Variants in TIA1 observed in about 807,000 individuals in gnomAD.
The protein encoded by TIA1 is TIA1 cytotoxic granule associated RNA binding protein.
TIA1 carries 23 observed loss-of-function variants against 65.9 expected under a neutral mutation model. That is an observed-to-expected ratio of 0.35 (90% CI 0.25 to 0.49). TIA1 has a LOEUF of 0.49. Ranked by LOEUF, TIA1 falls within the 20% of genes least tolerant of loss-of-function variation. The probability of loss-of-function intolerance (pLI) is 0.98; values close to 1 mark genes in which losing one functional copy is unlikely to be tolerated. For missense variants in TIA1, 371 were observed against 477.9 expected (o/e 0.78, Z 2.09); for synonymous variants, 147 against 149.4 (o/e 0.98, Z 0.12).
chr2:70,216,504 TGA>T lies in TIA1; in HGVS notation c.584-7_584-6del. The T allele has an allele frequency of 6.2e-7, 1 of 1,611,262 alleles. No homozygotes were observed. Among genetic ancestry groups the T allele is most frequent in the Non-Finnish European group, 8.5e-7 (1 of 1,178,492 alleles). On this transcript the variant is annotated splice_region_variant and splice_polypyrimidine_tract_variant and intron_variant, in intron 8 of 12. Coordinates refer to ENST00000433529, the MANE Select transcript of TIA1 (RefSeq NM_022173.4). Reference sequence around the variant, plus strand: ...ATGATAGCTGTTTGGTATTTGCTGGTGAGAGAAAAGGTTTATGTCTTTAATTC... The same window carrying T: ...ATGATAGCTGTTTGGTATTTGCTGGTGAGAAAAGGTTTATGTCTTTAATTC...
At chr2:70,239,791 A>C (rs1690873312) in intron 1 of TIA1, among the ~76,000 whole-genome samples, 1 of 152,248 alleles carries the variant, frequency 6.6e-6, no homozygotes, top group Non-Finnish European at 1.5e-5. Flanking sequence ...ACATTTACCC[A>C]ACAGCAATTT....
At chr2:70,222,131 A>G (rs1381061694) in intron 7 of TIA1, among the ~76,000 whole-genome samples, 1 of 144,506 alleles carries the variant, frequency 6.9e-6, no homozygotes, top group African/African-American at 2.5e-5. Context: ...AAACAAAAAC[A>G]AAACAAAACA....
At position 70,212,273 on chromosome 2, in the gene TIA1, A is replaced by C. The variant is rs1676669432; in HGVS notation, c.*446T>G. The C allele has an allele frequency of 6.5e-6, 1 of 154,998 alleles. No homozygotes were observed. The highest frequency in any genetic ancestry group is 2.4e-5 in the African/African-American group (1 of 41,478). The allele number at this position is 154,998 out of a possible 1,614,324, so 9.6% of individuals were successfully genotyped here. A position where few individuals can be genotyped will look rare whatever the true frequency, so the allele number is the denominator to read the frequency against. On this transcript the variant is annotated 3_prime_UTR_variant, in exon 13 of 13. Transcript: ENST00000433529. Reference sequence around the variant, plus strand: ...TTTAACCTAAAACAGAATTGTGCACAAGCTGAAGATGACAAACAACTTCTA... The same window carrying C: ...TTTAACCTAAAACAGAATTGTGCACCAGCTGAAGATGACAAACAACTTCTA...
At chr2:70,233,964 GAATAATAAAAATCT>G (rs1215665770) in intron 2 of TIA1, among the ~76,000 whole-genome samples, 2 of 152,082 alleles carry the variant, frequency 1.3e-5, no homozygotes. Flanking sequence ...ATTTAGATTT[GAATAATAAAAATCT>G]AAGCTTTTGA....
Position 70,212,720 on chromosome 2 carries a change from C to A in TIA1, c.1160G>T (p.Ter387LeuextTer17). 4 of 1,596,678 alleles carry A rather than the reference C, an allele frequency of 2.5e-6. No homozygotes were observed. The highest frequency in any genetic ancestry group is 3.4e-6 in the Non-Finnish European group (4 of 1,164,316). The change falls in exon 13 of 13, where the codon TGA (stop) becomes TTA (leucine). Residue 387 changes from the stop codon to leucine (L), a stop_lost. Transcript: ENST00000433529. Reference sequence around the variant, plus strand: ...GGCTTTAGATTCTGGAGTCCTTATTCACTGGGTTTCATACCCTGCCACTCG... The same window carrying A: ...GGCTTTAGATTCTGGAGTCCTTATTAACTGGGTTTCATACCCTGCCACTCG... ...GYRVAGYETQ[*>L]
intron 12 of TIA1, among the ~76,000 whole-genome samples, chr2:70,213,616 T>C (rs924758996): frequency 6.6e-6 from 1 of 151,790 alleles, no homozygotes; most frequent in African/African-American, 2.4e-5. Context: ...TCCAAAGTGC[T>C]AGGATTATAG....
intron 8 of TIA1, 144 bp from the exon 9 acceptor site, chr2:70,216,643 T>C: frequency 7.5e-7 from 1 of 1,340,560 alleles, no homozygotes; most frequent in East Asian, 2.5e-5. Flanking sequence ...CAGTTCAGAA[T>C]TAAACCTCCC....
intron 7 of TIA1, among the ~76,000 whole-genome samples, chr2:70,219,605 G>C (rs1294475743): frequency 6.6e-6 from 1 of 152,112 alleles, no homozygotes; most frequent in South Asian, 2.1e-4. Flanking sequence ...CTAGTAGCTA[G>C]GACTATAAGC....
chr2:70,238,733 C>T (rs1039287887), intron 1 of TIA1, among the ~76,000 whole-genome samples: 61 of 151,846 alleles, frequency 4.0e-4, no homozygotes, highest in African/African-American at 1.4e-3. Flanking sequence ...CATTACAAGA[C>T]CATAAGACTG....
chr2:70,216,876 A>G lies in TIA1; in HGVS notation c.583+10T>C. 7 of 1,613,996 alleles carry G rather than the reference A, an allele frequency of 4.3e-6. No homozygotes were observed. Among genetic ancestry groups the G allele is most frequent in the Non-Finnish European group, 5.9e-6 (7 of 1,179,966 alleles). ...ATTCCACATTTCCTTTTCTTCTCCA[A>G]TACACCTACACTCATATGTACTCTT... On this transcript the variant is annotated intron_variant, in intron 8 of 12. Transcript: ENST00000433529.
chr2:70,232,118 C>T (rs1320136221), intron 2 of TIA1, among the ~76,000 whole-genome samples: 2 of 146,012 alleles, frequency 1.4e-5, no homozygotes, highest in Admixed American at 7.1e-5. Flanking sequence ...AGGAGAATGG[C>T]GTGAACCCAG....
Position 70,246,048 on chromosome 2 carries a change from C to T in TIA1, c.26+2357G>A, listed in dbSNP as rs112300016. ...AAGCGATTCTCCTTCCTCAGCCTCC[C>T]GAGTAGCTGGGATTACAGGCATGCG... On this transcript the variant is annotated intron_variant, in intron 1 of 12. Transcript: ENST00000433529. Among the ~76,000 whole-genome samples the T allele has an allele frequency of 7.8e-3, 1,192 of 152,014 alleles. 16 individuals carry two copies. The highest frequency in any genetic ancestry group is 0.027 in the African/African-American group (1,135 of 41,448).
At chr2:70,212,894 A>C in intron 12 of TIA1, 49 bp from the exon 13 acceptor site, 3 of 1,269,074 alleles carry the variant, frequency 2.4e-6, no homozygotes, top group Non-Finnish European at 3.5e-6. Flanking sequence ...TCCACTGATT[A>C]AAATAAAGTA....
At chr2:70,239,280 G>C (rs955039324) in intron 1 of TIA1, among the ~76,000 whole-genome samples, 3 of 152,124 alleles carry the variant, frequency 2.0e-5, no homozygotes, top group Admixed American at 1.3e-4. Flanking sequence ...TTTTAGTAGA[G>C]ATGGGGTTTC....
intron 12 of TIA1, among the ~76,000 whole-genome samples, chr2:70,213,204 G>A (rs1004497764): frequency 1.2e-4 from 18 of 151,850 alleles, no homozygotes; most frequent in African/African-American, 3.4e-4. Flanking sequence ...TATTTGCTGA[G>A]GAAACCACTA....
chr2:70,232,019 G>A (rs961119901), intron 2 of TIA1, among the ~76,000 whole-genome samples: 1 of 151,554 alleles, frequency 6.6e-6, no homozygotes, highest in African/African-American at 2.4e-5. Flanking sequence ...TGGCTAGCAC[G>A]GTGAAACCCC....
chr2:70,246,821 G>A (rs940448261), intron 1 of TIA1, among the ~76,000 whole-genome samples: 5 of 152,190 alleles, frequency 3.3e-5, no homozygotes, highest in Admixed American at 6.5e-5. Flanking sequence ...AGGAGGTGGA[G>A]GTTGCAGTGA....
In TIA1 at chr2:70,216,076, A is replaced by C. The variant is rs968057244; in HGVS notation, c.764+132T>G. 7 of 897,302 alleles carry C rather than the reference A, an allele frequency of 7.8e-6. No homozygotes were observed. The African/African-American group carries it at 1.2e-4, about 16-fold the overall frequency. 55.6% of individuals were successfully genotyped at this position (897,302 alleles called of 1,614,324 possible). ...CAAAATTTCAACTTTTTTATAACCA[A>C]GGTAAATTTTTAAGAAAACGAGGTA... On this transcript the variant is annotated intron_variant, in intron 10 of 12. Transcript: ENST00000433529.
chr2:70,230,881 A>G (rs1244460389), intron 2 of TIA1, 27 bp from the exon 3 acceptor site: 2 of 1,563,780 alleles, frequency 1.3e-6, no homozygotes, highest in Non-Finnish European at 8.7e-7. Context: ...ACAAAAGCCA[A>G]TTTTAAGCTT....
Sources: allele counts gnomAD v4.1 joint callset (sites outside exome capture counted in the v4.1 genomes callset), GRCh38; gene constraint gnomAD v4.1.1; transcripts MANE v1.5; gene names NCBI Gene and HGNC (gene_info 2026-07-23, HGNC 2026-07-21).